The following STK10 variants were observed in gnomAD, a reference collection of about 807,000 sequenced individuals.
The protein encoded by STK10 is serine/threonine-protein kinase 10.
Under a neutral mutation model 113.8 loss-of-function variants are expected in STK10, and 78 were observed. The observed-to-expected ratio is 0.69, with a 90% CI of 0.57 to 0.83. The LOEUF is 0.83. Among genes scored for constraint, STK10 ranks in the 40% least tolerant of loss-of-function variants. The pLI is 0.00. For synonymous variants in STK10, 465 were observed against 494.7 expected, an observed-to-expected ratio of 0.94 and a Z score of 0.80; for missense variants, 1,109 against 1,280.1, an observed-to-expected ratio of 0.87 and a Z score of 2.04.
At chr5:172,072,228 G>A (rs1312791087) in intron 12 of STK10, among the ~76,000 whole-genome samples, 1 of 151,936 alleles carries the variant, frequency 6.6e-6, no homozygotes. Flanking sequence ...AAATTGATTG[G>A]CATACTAGGA....
At chr5:172,182,992 A>G (rs1770890412) in intron 1 of STK10, among the ~76,000 whole-genome samples, 1 of 152,076 alleles carries the variant, frequency 6.6e-6, no homozygotes, top group South Asian at 2.1e-4. Context: ...GGATCACTTG[A>G]GCCTAGGAGT....
chr5:172,059,801 A>G (rs1767894300), intron 14 of STK10, among the ~76,000 whole-genome samples: 2 of 152,102 alleles, frequency 1.3e-5, no homozygotes, highest in Admixed American at 1.3e-4. Flanking sequence ...ATGCCCCCCA[A>G]GCAAAGCTGC....
chr5:172,085,055 G>A (rs1044389907), intron 10 of STK10, among the ~76,000 whole-genome samples: 2 of 152,096 alleles, frequency 1.3e-5, no homozygotes, highest in Non-Finnish European at 2.9e-5. Flanking sequence ...GACCAGCCTG[G>A]GCCACATAGC....
rs535333499 is a variant in STK10, at chr5:172,157,134, A to T, written c.157-346T>A. On this transcript the variant is annotated intron_variant, in intron 1 of 18. Coordinates refer to ENST00000176763, the MANE Select transcript of STK10 (RefSeq NM_005990.4). ...ATACTTTTTGCATAAAAAATGGAAAACTACGCCTTCATACATGCTCACAAG... is the reference window on the plus strand; with the variant it reads ...ATACTTTTTGCATAAAAAATGGAAATCTACGCCTTCATACATGCTCACAAG... Among the ~76,000 whole-genome samples, 6 of 152,372 alleles carry T rather than the reference A, an allele frequency of 3.9e-5. No individual in the cohort carries two copies. In the South Asian group the frequency reaches 1.2e-3, roughly 32 times the overall value.
At chr5:172,073,400 C>T (rs1170560567) in intron 12 of STK10, among the ~76,000 whole-genome samples, 1 of 152,016 alleles carries the variant, frequency 6.6e-6, no homozygotes, top group African/African-American at 2.4e-5. Flanking sequence ...GGTCTGCCTG[C>T]CTCAGCCTTC....
At chr5:172,160,083 C>A (rs1407646619) in intron 1 of STK10, among the ~76,000 whole-genome samples, 2 of 151,938 alleles carry the variant, frequency 1.3e-5, no homozygotes, top group Non-Finnish European at 2.9e-5. Context: ...TTGCAGTGAG[C>A]CGAGATTGCA....
chr5:172,105,790 GC>G (rs1338134829), intron 6 of STK10, 53 bp from the exon 7 acceptor site: 3 of 1,524,776 alleles, frequency 2.0e-6, no homozygotes, highest in Non-Finnish European at 2.7e-6. Flanking sequence ...GCAGAGAGAA[GC>G]CCCCCACGTC....
intron 13 of STK10, among the ~76,000 whole-genome samples, chr5:172,063,204 C>T (rs1767972956): frequency 6.6e-6 from 1 of 151,406 alleles, no homozygotes. Flanking sequence ...GAGCTGAGAT[C>T]GTGCCACCGC....
intron 1 of STK10, among the ~76,000 whole-genome samples, chr5:172,186,349 C>T (rs1432903451): frequency 6.6e-6 from 1 of 151,992 alleles, no homozygotes; most frequent in African/African-American, 2.4e-5. Flanking sequence ...CCAGGTCAGG[C>T]AGGGTGGCTC....
chr5:172,132,173 C>T (rs1218365285), intron 2 of STK10, among the ~76,000 whole-genome samples: 1 of 152,074 alleles, frequency 6.6e-6, no homozygotes, highest in East Asian at 1.9e-4. Flanking sequence ...AAATAATAAT[C>T]TCAATGCTTT....
rs557708776 is a variant in STK10 at position 172,079,564 on chromosome 5, TA to T, written c.1989+2761del. 7.4e-3 allele frequency among the ~76,000 whole-genome samples: 1,065 copies of T among 143,850 alleles called. 15 individuals carry two copies. The highest frequency in any genetic ancestry group is 0.028 in the African/African-American group (1,017 of 36,682). 94.4% of individuals were successfully genotyped at this position (143,850 alleles called of 152,430 possible). ...ATATACATATATTTATTTATTTATTTATTTATTTATTTTTGAGATGGAGTTT... is the reference window on the plus strand; with the variant it reads ...ATATACATATATTTATTTATTTATTTTTTATTTATTTTTGAGATGGAGTTT... On this transcript the variant is annotated intron_variant, in intron 12 of 18. Coordinates refer to ENST00000176763, the MANE Select transcript of STK10 (RefSeq NM_005990.4).
chr5:172,168,432 C>A (rs895247849), intron 1 of STK10, among the ~76,000 whole-genome samples: 1 of 152,150 alleles, frequency 6.6e-6, no homozygotes, highest in African/African-American at 2.4e-5. Context: ...CCGGGGTGGC[C>A]AGCTGACATG....
Position 172,187,435 on chromosome 5 carries a change from C to A in STK10, c.156+452G>T, listed in dbSNP as rs115988273. Among the ~76,000 whole-genome samples the A allele has an allele frequency of 2.0e-5, 3 of 152,202 alleles. No homozygotes were observed. The highest frequency in any genetic ancestry group is 2.1e-4 in the South Asian group (1 of 4,808). On this transcript the variant is annotated intron_variant, in intron 1 of 18. Coordinates refer to ENST00000176763, the MANE Select transcript of STK10 (RefSeq NM_005990.4). This position sits in a 1 kb window ranked among gnomAD's most constrained non-coding sequence, Gnocchi z 4.6. ...GTCCCTAGCTCCCAACCCGTCCAAG[C>A]GCAGCCGAGTTTCTCGGTCCACATC...
At chr5:172,064,916 G>A (rs1768035835) in intron 12 of STK10, 104 bp from the exon 13 acceptor site, 2 of 1,324,466 alleles carry the variant, frequency 1.5e-6, no homozygotes, top group East Asian at 4.7e-5. Context: ...CCAAAGAAGA[G>A]GCTCAGCTTT....
rs149622075 is a variant in STK10, at chr5:172,111,299, A to G, written c.521-3447T>C. ...GGAACAGTGACTGCCTCTCAGGCCC[A>G]GGGTGAGGATCCCAAAAGGTGGCCA... On this transcript the variant is annotated intron_variant, in intron 4 of 18. Coordinates refer to ENST00000176763, the MANE Select transcript of STK10 (RefSeq NM_005990.4). 5.8e-4 allele frequency among the ~76,000 whole-genome samples: 88 copies of G among 152,244 alleles called. 1 individual carries two copies. In the East Asian group the frequency reaches 0.017, roughly 29 times the overall value.
At chr5:172,073,018 G>C (rs1052027985) in intron 12 of STK10, among the ~76,000 whole-genome samples, 1 of 152,130 alleles carries the variant, frequency 6.6e-6, no homozygotes, top group Non-Finnish European at 1.5e-5. Context: ...TTGTTCCCAG[G>C]CTAAAGCACA....
At position 172,050,843 on chromosome 5, in the gene STK10, T is replaced by C. The variant is rs771960330; in HGVS notation, c.2766+2086A>G. On this transcript the variant is annotated intron_variant, in intron 18 of 18. Transcript: ENST00000176763. ...TCCTCCCATCTCAGGCTCCAGAGTA[T>C]CTGGGACTACAGGCATGTGCCACTG... Among the ~76,000 whole-genome samples the C allele has an allele frequency of 5.9e-5, 9 of 152,168 alleles. No individual in the cohort carries two copies. The South Asian group carries it at 1.9e-3, about 32-fold the overall frequency.
At position 172,057,348 on chromosome 5, in the gene STK10, C is replaced by T. The variant is rs1035047972; in HGVS notation, c.2337+1G>A. ...GAGCCCCGTGCCACCGGCAGCCTCA[C>T]CTTCTCATGCTTGCGCAGCAGCTCG... On this transcript the variant is annotated splice_donor_variant, in intron 15 of 18. Transcript: ENST00000176763. LOFTEE classifies it high-confidence loss of function. The T allele has an allele frequency of 2.5e-6, 4 of 1,580,018 alleles. No individual in the cohort carries two copies. Among genetic ancestry groups the T allele is most frequent in the Non-Finnish European group, 3.4e-6 (4 of 1,163,574 alleles).
At chr5:172,114,279 T>G (rs1769313540) in intron 4 of STK10, among the ~76,000 whole-genome samples, 1 of 139,566 alleles carries the variant, frequency 7.2e-6, no homozygotes, top group Admixed American at 7.1e-5. Context: ...TACAGGACTC[T>G]AGCTACTCTC....
Sources: gnomAD v4.1 joint callset for allele counts (sites outside exome capture counted in the v4.1 genomes callset) on GRCh38, gnomAD v4.1.1 for gene constraint, Gnocchi (gnomAD v3.1) non-coding constraint, MANE v1.5 for transcripts, NCBI Gene and HGNC (gene_info 2026-07-23, HGNC 2026-07-21) for gene names.